Variants in CNTN4 observed in about 807,000 individuals in gnomAD.
CNTN4 encodes the protein contactin-4.
Under a neutral mutation model 122.5 loss-of-function variants are expected in CNTN4, and 77 were observed. The observed-to-expected ratio is 0.63, with a 90% CI of 0.52 to 0.76. The LOEUF is 0.76. CNTN4 is among the 30% of genes least tolerant of loss of function. The pLI is 0.00. For missense variants in CNTN4, 1,256 were observed against 1,259.1 expected, an observed-to-expected ratio of 1.00 and a Z score of 0.04; for synonymous variants, 512 against 447.0, an observed-to-expected ratio of 1.15 and a Z score of -1.83.
At chr3:2,975,987 T>G (rs995562062) in intron 13 of CNTN4, among the ~76,000 whole-genome samples, 13 of 152,216 alleles carry the variant, frequency 8.5e-5, no homozygotes, top group Admixed American at 2.0e-4. Flanking sequence ...ATGGAGATCT[T>G]GCATCAATGA....
chr3:2,423,633 A>G (rs970281923), intron 3 of CNTN4, among the ~76,000 whole-genome samples: 5 of 152,158 alleles, frequency 3.3e-5, no homozygotes, highest in Non-Finnish European at 5.9e-5. Context: ...TATTAAGTCC[A>G]GTATTTGTCT....
In CNTN4 at chr3:2,108,767, C is replaced by G. The variant is rs143770040; in HGVS notation, c.-145+8128C>G. Among the ~76,000 whole-genome samples the G allele has an allele frequency of 8.7e-3, 1,325 of 152,290 alleles. 11 individuals carry two copies. Among genetic ancestry groups the G allele is most frequent in the Non-Finnish European group, 0.015 (1,017 of 68,012 alleles). ...TCACTTCGTTTAGTGATGGACACAT[C>G]TATAACATTGTCTAAAGCACACGAG... On this transcript the variant is annotated intron_variant, in intron 2 of 24. Coordinates refer to ENST00000418658, the MANE Select transcript of CNTN4 (RefSeq NM_175607.3).
intron 7 of CNTN4, among the ~76,000 whole-genome samples, chr3:2,855,622 T>C (rs1411803990): frequency 6.6e-6 from 1 of 152,232 alleles, no homozygotes; most frequent in African/African-American, 2.4e-5. Context: ...TCAGTCCAGG[T>C]GTTCCTGTCA....
intron 5 of CNTN4, among the ~76,000 whole-genome samples, chr3:2,736,798 ATTTATT>A (rs2089140481): frequency 6.7e-6 from 1 of 149,986 alleles, no homozygotes; most frequent in African/African-American, 2.5e-5. Context: ...TTATTTATTT[ATTTATT>A]TATTTAGAGA....
chr3:2,255,060 G>A (rs1349116753), intron 2 of CNTN4, among the ~76,000 whole-genome samples: 2 of 152,148 alleles, frequency 1.3e-5, no homozygotes, highest in Admixed American at 6.5e-5. Flanking sequence ...GTTAATTTTT[G>A]TATAAGGTGT....
At chr3:2,651,971 T>TG (rs2083382844) in intron 4 of CNTN4, among the ~76,000 whole-genome samples, 1 of 151,718 alleles carries the variant, frequency 6.6e-6, no homozygotes, top group African/African-American at 2.4e-5. Context: ...CCTTCCAAAG[T>TG]GCTGGGATTA....
chr3:2,659,004 A>T (rs2083740631), intron 4 of CNTN4, among the ~76,000 whole-genome samples: 2 of 148,672 alleles, frequency 1.3e-5, no homozygotes, highest in Non-Finnish European at 3.0e-5. Context: ...ACACACACAC[A>T]CACACAGAAC....
At chr3:2,346,632 C>G (rs2044406236) in intron 3 of CNTN4, among the ~76,000 whole-genome samples, 1 of 152,130 alleles carries the variant, frequency 6.6e-6, no homozygotes, top group Admixed American at 6.5e-5. Context: ...ATTTTCCCCT[C>G]AATACCATGA....
chr3:2,994,251 A>T (rs755147118), intron 14 of CNTN4, among the ~76,000 whole-genome samples: 33 of 152,056 alleles, frequency 2.2e-4, no homozygotes, highest in Non-Finnish European at 4.4e-4. Context: ...GAAATTGACT[A>T]TATAAAGTTT....
intron 13 of CNTN4, chr3:2,927,303 A>G: frequency 4.4e-6 from 2 of 456,072 alleles, no homozygotes; most frequent in Non-Finnish European, 8.8e-6. Flanking sequence ...CCTAGTGTAC[A>G]TCAGGGGTTT....
intron 4 of CNTN4, among the ~76,000 whole-genome samples, chr3:2,616,890 A>C (rs892953684): frequency 6.6e-6 from 1 of 152,184 alleles, no homozygotes; most frequent in Non-Finnish European, 1.5e-5. Context: ...AGCAATGGGG[A>C]AAGGATCTCC....
intron 3 of CNTN4, chr3:2,362,511 T>C: frequency 1.7e-6 from 1 of 571,526 alleles, no homozygotes; most frequent in South Asian, 1.5e-5. Flanking sequence ...CATAGGCTCC[T>C]GTGCACTTTC....
chr3:2,346,438 T>C (rs774964903), intron 3 of CNTN4, among the ~76,000 whole-genome samples: 2 of 152,168 alleles, frequency 1.3e-5, no homozygotes, highest in African/African-American at 2.4e-5. Flanking sequence ...TCTTATATAC[T>C]GACCAGTTTA....
intron 12 of CNTN4, among the ~76,000 whole-genome samples, chr3:2,908,174 G>C (rs993806671): frequency 2.6e-5 from 4 of 152,168 alleles, no homozygotes; most frequent in African/African-American, 9.7e-5. Flanking sequence ...AGAGTAAATA[G>C]AGTCTTGTAA....
At chr3:2,938,667 A>G (rs1340965286) in intron 13 of CNTN4, among the ~76,000 whole-genome samples, 6 of 152,130 alleles carry the variant, frequency 3.9e-5, no homozygotes, top group Non-Finnish European at 8.8e-5. Flanking sequence ...CCTGTTACTC[A>G]TTTCATATTT....
intron 2 of CNTN4, among the ~76,000 whole-genome samples, chr3:2,261,308 C>G (rs924177841): frequency 1.3e-5 from 2 of 152,056 alleles, no homozygotes; most frequent in African/African-American, 2.4e-5. Flanking sequence ...CAATGTCATA[C>G]ACGTTGGTTT....
intron 2 of CNTN4, among the ~76,000 whole-genome samples, chr3:2,303,786 A>T (rs562117650): frequency 1.3e-5 from 2 of 152,132 alleles, no homozygotes; most frequent in Non-Finnish European, 2.9e-5. Context: ...TGAGTCCCAC[A>T]GGCGCCTCTG....
chr3:2,839,515 T>G (rs2093305825), intron 7 of CNTN4, among the ~76,000 whole-genome samples: 1 of 152,186 alleles, frequency 6.6e-6, no homozygotes. Context: ...GTTTATTGCT[T>G]CTCTTGATAG....
At chr3:2,469,103 G>C (rs2151488188) in intron 3 of CNTN4, among the ~76,000 whole-genome samples, 1 of 152,272 alleles carries the variant, frequency 6.6e-6, no homozygotes, top group East Asian at 1.9e-4. Flanking sequence ...GAAACTGGTA[G>C]TTAGCTAACC....
Sources: gnomAD v4.1 joint callset for allele counts (sites outside exome capture counted in the v4.1 genomes callset) on GRCh38, gnomAD v4.1.1 for gene constraint, MANE v1.5 for transcripts, NCBI Gene and HGNC (gene_info 2026-07-23, HGNC 2026-07-21) for gene names.